The following MECOM variants were observed in gnomAD, a reference collection of about 807,000 sequenced individuals.
MECOM encodes the protein histone-lysine N-methyltransferase MECOM.
MECOM carries 13 observed loss-of-function variants against 116.3 expected under a neutral mutation model. That is an observed-to-expected ratio of 0.11 (90% CI 0.07 to 0.18). MECOM has a LOEUF of 0.18. Among genes scored for constraint, MECOM ranks in the 10% least tolerant of loss-of-function variants. The pLI is 1.00. For synonymous variants in MECOM, 528 were observed against 535.2 expected (o/e 0.99, Z 0.19); for missense variants, 1,299 against 1,509.0 (o/e 0.86, Z 2.31).
chr3:169,276,988 A>G (rs565389956), intron 2 of MECOM, among the ~76,000 whole-genome samples: 2 of 145,466 alleles, frequency 1.4e-5, no homozygotes, highest in Non-Finnish European at 3.0e-5. Context: ...AACATGAGCT[A>G]ATTTATGTTA....
chr3:169,282,768 ATATAT>A (rs1156943884), intron 2 of MECOM, among the ~76,000 whole-genome samples: 1 of 151,978 alleles, frequency 6.6e-6, no homozygotes, highest in Non-Finnish European at 1.5e-5. Context: ...CAATATGTTA[ATATAT>A]TTATTTATAA....
intron 2 of MECOM, among the ~76,000 whole-genome samples, chr3:169,201,499 A>G (rs1749148883): frequency 6.6e-6 from 1 of 152,012 alleles, no homozygotes. Context: ...CACTTCCCAT[A>G]CCCTCAAGCT....
At position 169,332,433 on chromosome 3, in the gene MECOM, G is replaced by A. The variant is rs1722902777; in HGVS notation, c.375+48754C>T. On this transcript the variant is annotated intron_variant, in intron 2 of 16. Transcript: ENST00000651503. The stretch of plus-strand genomic sequence containing the variant: ...CTGACAGGCAGGCCAATGTAAATGA[G>A]CCAGAACGAGAGTCAGAGCCAGAAT... Among the ~76,000 whole-genome samples, 3 of 152,222 alleles carry A rather than the reference G, an allele frequency of 2.0e-5. No homozygotes were observed. In the South Asian group the frequency reaches 6.2e-4, roughly 32 times the overall value.
intron 1 of MECOM, among the ~76,000 whole-genome samples, chr3:169,489,356 C>G (rs1481369316): frequency 6.6e-6 from 1 of 152,086 alleles, no homozygotes; most frequent in Non-Finnish European, 1.5e-5. Flanking sequence ...TCAAATCAAT[C>G]TAAATAAAAA....
intron 1 of MECOM, among the ~76,000 whole-genome samples, chr3:169,637,759 GAAAGAGCTACTCTTCAAATT>G (rs1371681565): frequency 6.6e-6 from 1 of 152,194 alleles, no homozygotes; most frequent in Non-Finnish European, 1.5e-5. Flanking sequence ...AAATTGGATT[GAAAGAGCTACTCTTCAAATT>G]AAAAATCAAT....
chr3:169,634,575 C>T (rs969817279), intron 1 of MECOM, among the ~76,000 whole-genome samples: 4 of 152,154 alleles, frequency 2.6e-5, no homozygotes, highest in African/African-American at 9.7e-5. Context: ...CAACCTTTTT[C>T]TCTCTCTCAA....
At chr3:169,485,246 C>T (rs1271022277) in intron 1 of MECOM, among the ~76,000 whole-genome samples, 6 of 152,122 alleles carry the variant, frequency 3.9e-5, no homozygotes, top group Admixed American at 2.6e-4. Context: ...CTAACCGCCT[C>T]GGCCTCCCAA....
chr3:169,290,006 T>C lies in MECOM; in HGVS notation c.375+91181A>G, dbSNP rs1714187877. ...TTAACTATTTTGGATTGCTGTAGCA[T>C]TGCCCTTTAATGAAAGGTTCTATGC... On this transcript the variant is annotated intron_variant, in intron 2 of 16. Coordinates refer to ENST00000651503, the MANE Select transcript of MECOM (RefSeq NM_004991.4). 2.6e-5 allele frequency among the ~76,000 whole-genome samples: 4 copies of C among 152,156 alleles called. No individual in the cohort carries two copies. In the South Asian group the frequency reaches 6.2e-4, roughly 24 times the overall value.
chr3:169,227,235 C>T (rs549582541), intron 2 of MECOM, among the ~76,000 whole-genome samples: 6 of 152,206 alleles, frequency 3.9e-5, no homozygotes, highest in South Asian at 2.1e-4. Flanking sequence ...TAAATATAAA[C>T]ATCTTACCAT....
intron 1 of MECOM, among the ~76,000 whole-genome samples, chr3:169,566,465 G>A (rs530802573): frequency 1.1e-4 from 17 of 152,218 alleles, no homozygotes; most frequent in Non-Finnish European, 2.1e-4. Context: ...TACAATAATC[G>A]GTAATAATAT....
At chr3:169,424,673 TAG>T (rs1740341153) in intron 1 of MECOM, among the ~76,000 whole-genome samples, 1 of 152,170 alleles carries the variant, frequency 6.6e-6, no homozygotes, top group South Asian at 2.1e-4. Context: ...TTGCAAAGCT[TAG>T]AGTCTCCTTG....
intron 3 of MECOM, among the ~76,000 whole-genome samples, chr3:169,135,001 T>G (rs1735919831): frequency 6.6e-6 from 1 of 152,106 alleles, no homozygotes; most frequent in Non-Finnish European, 1.5e-5. Flanking sequence ...TTATATAGAT[T>G]TTCTCACATA....
rs186035928 is a variant in MECOM, at chr3:169,254,118, G to C, written c.376-110286C>G. Among the ~76,000 whole-genome samples the C allele has an allele frequency of 5.3e-5, 8 of 152,156 alleles. No homozygotes were observed. In the East Asian group the frequency reaches 1.5e-3, roughly 29 times the overall value. The stretch of plus-strand genomic sequence containing the variant: ...GGCACCAGGGTACATTCTGTTATAA[G>C]ACTTAGCATATTGTTTGGACGGGAT... On this transcript the variant is annotated intron_variant, in intron 2 of 16. Transcript: ENST00000651503.
chr3:169,265,874 G>A (rs574140861), intron 2 of MECOM, among the ~76,000 whole-genome samples: 33 of 152,282 alleles, frequency 2.2e-4, no homozygotes, highest in Non-Finnish European at 1.5e-4. Context: ...AAGGAGGTAC[G>A]AGGCAGCAGT....
chr3:169,089,868 C>T (rs1719087993), intron 15 of MECOM, 132 bp downstream of exon 15: 10 of 1,358,362 alleles, frequency 7.4e-6, no homozygotes, highest in Admixed American at 5.5e-5. Context: ...AAATCTGATC[C>T]ACCATGTATC....
chr3:169,485,933 GT>G (rs1195989263), intron 1 of MECOM, among the ~76,000 whole-genome samples: 6 of 100,272 alleles, frequency 6.0e-5, no homozygotes, highest in Non-Finnish European at 1.1e-4. Flanking sequence ...AGTATATATA[GT>G]ATATATGTAT....
intron 1 of MECOM, among the ~76,000 whole-genome samples, chr3:169,547,106 G>A (rs570944417): frequency 2.4e-4 from 37 of 152,270 alleles, no homozygotes; most frequent in Middle Eastern, 3.4e-3. Flanking sequence ...CCAGTGTTGA[G>A]GGAGGAACTT....
At chr3:169,503,046 C>A (rs1754727428) in intron 1 of MECOM, among the ~76,000 whole-genome samples, 1 of 152,144 alleles carries the variant, frequency 6.6e-6, no homozygotes, top group African/African-American at 2.4e-5. Context: ...ACACACCAGG[C>A]AATTCATTGG....
chr3:169,627,122 C>T (rs1172525266), intron 1 of MECOM, among the ~76,000 whole-genome samples: 1 of 152,194 alleles, frequency 6.6e-6, no homozygotes, highest in Non-Finnish European at 1.5e-5. Context: ...TGCACAACCC[C>T]TTAAACAATG....
Sources: allele counts gnomAD v4.1 joint callset (sites outside exome capture counted in the v4.1 genomes callset), GRCh38; gene constraint gnomAD v4.1.1; transcripts MANE v1.5; gene names NCBI Gene and HGNC (gene_info 2026-07-23, HGNC 2026-07-21).